Variants in AUTS2 observed in about 807,000 individuals in gnomAD.
AUTS2 encodes the protein activator of transcription and developmental regulator AUTS2, also known as autism susceptibility gene 2 protein.
In AUTS2, 17 loss-of-function variants were observed where a neutral mutation model predicts 112.4. The ratio of observed to expected loss-of-function variants is 0.15; its 90% CI spans 0.10 to 0.23. The LOEUF is 0.23. Among genes scored for constraint, AUTS2 ranks in the 10% least tolerant of loss-of-function variants. The pLI is 1.00. For synonymous variants in AUTS2, 751 were observed against 702.7 expected (o/e 1.07, Z -1.09); for missense variants, 1,510 against 1,701.6 (o/e 0.89, Z 1.98).
Position 70,790,796 on chromosome 7 carries a change from T to C in AUTS2, c.3580T>C (p.Tyr1194His). 1 of 1,605,004 alleles carries C rather than the reference T, an allele frequency of 6.2e-7. No homozygotes were observed. Among genetic ancestry groups the C allele is most frequent in the Non-Finnish European group, 8.5e-7 (1 of 1,175,550 alleles). ...LITPGLPSMH[Y>H]PRISPTAGNQ... Reference sequence around the variant, plus strand: ...CACCCCGGGACTCCCCAGCATGCACTATCCCCGCATCAGCCCCACCGCGGG... The same window carrying C: ...CACCCCGGGACTCCCCAGCATGCACCATCCCCGCATCAGCCCCACCGCGGG... Residue 1194 changes from tyrosine (Y) to histidine (H), a missense_variant, in exon 19 of 19, where the codon TAT (tyrosine) becomes CAT (histidine). Physicochemically the swap from Tyr to His is moderately conservative, Grantham distance 83. Transcript: ENST00000342771. This position sits in a 1 kb window ranked among gnomAD's most constrained non-coding sequence, Gnocchi z 7.6.
chr7:70,538,244 G>C (rs1800402384), intron 5 of AUTS2, among the ~76,000 whole-genome samples: 1 of 152,088 alleles, frequency 6.6e-6, no homozygotes, highest in Non-Finnish European at 1.5e-5. Flanking sequence ...GTAAGAGAGA[G>C]AGTCCAGGCG....
At chr7:69,855,158 G>C (rs1158451782) in intron 1 of AUTS2, among the ~76,000 whole-genome samples, 1 of 152,180 alleles carries the variant, frequency 6.6e-6, no homozygotes, top group Non-Finnish European at 1.5e-5. Flanking sequence ...TTACCTATGA[G>C]CTTCACAATG....
Position 70,642,367 on chromosome 7 carries a change from A to G in AUTS2, c.691-56202A>G, listed in dbSNP as rs1019768531. Among the ~76,000 whole-genome samples the G allele has an allele frequency of 2.5e-5, 3 of 122,252 alleles. No homozygotes were observed. The Admixed American group carries it at 2.6e-4, about 11-fold the overall frequency. The allele number at this position is 122,252 out of a possible 152,430, so 80.2% of individuals were successfully genotyped here. ...TGGCCTCACTTAATGTTCTGGGAGT[A>G]TCTGGTTTAATAAGTCTTTTTCTAT... is the stretch of plus-strand genomic sequence containing the variant. On this transcript the variant is annotated intron_variant, in intron 5 of 18. Transcript: ENST00000342771.
chr7:70,462,186 A>T (rs1408289226), intron 5 of AUTS2, among the ~76,000 whole-genome samples: 1 of 152,092 alleles, frequency 6.6e-6, no homozygotes, highest in East Asian at 1.9e-4. Context: ...TGGATGGCGG[A>T]GGTTGCAGTG....
chr7:69,803,017 CA>C (rs1390626955), intron 1 of AUTS2, among the ~76,000 whole-genome samples: 2 of 152,160 alleles, frequency 1.3e-5, no homozygotes, highest in East Asian at 3.8e-4. Context: ...GTCATTTCCT[CA>C]AAAATGTCGT....
rs371006754 is a variant in AUTS2 at position 69,717,117 on chromosome 7, T to C, written c.309+117155T>C. 3.7e-4 allele frequency among the ~76,000 whole-genome samples: 56 copies of C among 152,326 alleles called. 1 individual carries two copies. The South Asian group carries it at 0.011, about 30-fold the overall frequency. ...ATTCAACTTTTAGCCTCCTCTCTTA[T>C]TTGTTTTAAACGTTTGTTTCCAAAG... On this transcript the variant is annotated intron_variant, in intron 1 of 18. Transcript: ENST00000342771.
chr7:70,179,781 C>A (rs1271832276), intron 4 of AUTS2, among the ~76,000 whole-genome samples: 1 of 152,120 alleles, frequency 6.6e-6, no homozygotes, highest in Non-Finnish European at 1.5e-5. Flanking sequence ...CTTGGTATAA[C>A]CTTCATTGCA....
At chr7:69,627,266 G>A (rs1006927824) in intron 1 of AUTS2, among the ~76,000 whole-genome samples, 8 of 152,144 alleles carry the variant, frequency 5.3e-5, no homozygotes, top group Admixed American at 2.0e-4. Flanking sequence ...GCTAAGGTGG[G>A]CGGATCCCTG....
chr7:69,704,588 C>CTCTAAA (rs1797975111), intron 1 of AUTS2, among the ~76,000 whole-genome samples: 1 of 152,110 alleles, frequency 6.6e-6, no homozygotes, highest in Non-Finnish European at 1.5e-5. Flanking sequence ...CCATTATAGC[C>CTCTAAA]TAATTTTCAG....
At chr7:70,599,850 C>T (rs145402752) in intron 5 of AUTS2, among the ~76,000 whole-genome samples, 1 of 152,328 alleles carries the variant, frequency 6.6e-6, no homozygotes, top group Non-Finnish European at 1.5e-5. Context: ...GCAGACAGCA[C>T]TCCCAGCAGT....
At chr7:70,611,623 A>G (rs1804097069) in intron 5 of AUTS2, among the ~76,000 whole-genome samples, 1 of 152,200 alleles carries the variant, frequency 6.6e-6, no homozygotes, top group African/African-American at 2.4e-5. Context: ...GCTATCATCC[A>G]CCTTCCTAAA....
intron 5 of AUTS2, among the ~76,000 whole-genome samples, chr7:70,682,066 A>C (rs1195255241): frequency 6.6e-6 from 1 of 152,206 alleles, no homozygotes; most frequent in Non-Finnish European, 1.5e-5. Context: ...GCAGACCTCT[A>C]AGATCCTCTT....
chr7:70,727,238 A>G (rs974067808), intron 6 of AUTS2, among the ~76,000 whole-genome samples: 2 of 152,238 alleles, frequency 1.3e-5, no homozygotes, highest in Non-Finnish European at 2.9e-5. Context: ...CATTCCTACC[A>G]AAGCAACGGT....
chr7:70,712,871 A>G (rs1394407972), intron 6 of AUTS2, among the ~76,000 whole-genome samples: 1 of 152,162 alleles, frequency 6.6e-6, no homozygotes, highest in East Asian at 1.9e-4. Context: ...TGCAGCCTCC[A>G]TATCCTGGGC....
At chr7:70,542,925 T>C (rs187649748) in intron 5 of AUTS2, among the ~76,000 whole-genome samples, 1 of 152,274 alleles carries the variant, frequency 6.6e-6, no homozygotes, top group African/African-American at 2.4e-5. Context: ...AGGATATAAA[T>C]AGTAAGTGAA....
At chr7:70,033,064 T>A (rs1800851825) in intron 2 of AUTS2, among the ~76,000 whole-genome samples, 1 of 152,136 alleles carries the variant, frequency 6.6e-6, no homozygotes, top group Non-Finnish European at 1.5e-5. Context: ...TAACTGCTGA[T>A]AGGTACAGAG....
intron 2 of AUTS2, among the ~76,000 whole-genome samples, chr7:69,941,424 C>T (rs1796622705): frequency 6.6e-6 from 1 of 152,200 alleles, no homozygotes; most frequent in South Asian, 2.1e-4. Context: ...TAGAGAACCA[C>T]CAAAAGTGTC....
intron 2 of AUTS2, among the ~76,000 whole-genome samples, chr7:70,080,262 T>C (rs1053010410): frequency 1.3e-5 from 2 of 152,196 alleles, no homozygotes; most frequent in South Asian, 4.1e-4. Context: ...TAAGAGAATA[T>C]CTTCTTGTAT....
chr7:70,593,958 T>C (rs912844972), intron 5 of AUTS2, among the ~76,000 whole-genome samples: 6 of 152,134 alleles, frequency 3.9e-5, no homozygotes, highest in African/African-American at 4.8e-5. Context: ...TCATAGAACA[T>C]AGAACATTAT....
Sources: allele counts gnomAD v4.1 joint callset (sites outside exome capture counted in the v4.1 genomes callset), GRCh38; gene constraint gnomAD v4.1.1; non-coding constraint Gnocchi (gnomAD v3.1); transcripts MANE v1.5; gene names NCBI Gene and HGNC (gene_info 2026-07-23, HGNC 2026-07-21).